Variants in GRIP1 observed in about 807,000 individuals in gnomAD.
GRIP1 encodes glutamate receptor-interacting protein 1.
Under a neutral mutation model 129.9 loss-of-function variants are expected in GRIP1, and 45 were observed. The ratio of observed to expected loss-of-function variants is 0.35; its 90% CI spans 0.27 to 0.44. The LOEUF (loss-of-function observed/expected upper bound fraction) is 0.44. GRIP1 is among the 20% of genes least tolerant of loss of function. The pLI, the probability that GRIP1 is intolerant of heterozygous loss-of-function variation, is 1.00. For missense variants in GRIP1, 1,196 were observed against 1,396.8 expected, an observed-to-expected ratio of 0.86 and a Z score of 2.29; for synonymous variants, 530 against 520.8, an observed-to-expected ratio of 1.02 and a Z score of -0.24.
intron 1 of GRIP1, among the ~76,000 whole-genome samples, chr12:66,987,507 A>G (rs969845): frequency 0.83 from 126,304 of 152,150 alleles, 52,916 homozygotes; most frequent in African/African-American, 0.93. Flanking sequence ...TGTCTGGAGA[A>G]CAAGAGTGCA....
At chr12:66,763,230 T>G (rs1165390328) in intron 1 of GRIP1, among the ~76,000 whole-genome samples, 4 of 152,204 alleles carry the variant, frequency 2.6e-5, no homozygotes. Context: ...ATTTAGATTC[T>G]GACCCTCTAA....
Position 66,650,313 on chromosome 12 carries a change from C to T in GRIP1, c.55+28537G>A, listed in dbSNP as rs75560942. 3.2e-3 allele frequency among the ~76,000 whole-genome samples: 485 copies of T among 152,286 alleles called. 2 individuals are homozygous for T. Among genetic ancestry groups the T allele is most frequent in the Non-Finnish European group, 5.3e-3 (360 of 68,026 alleles). On this transcript the variant is annotated intron_variant, in intron 1 of 24. Transcript: ENST00000359742. ...GCTGCTTGGGGGAGACAAGAAGCACCATGACAGATTTATTTCTTAATCTTG... is the reference window on the plus strand; with the variant it reads ...GCTGCTTGGGGGAGACAAGAAGCACTATGACAGATTTATTTCTTAATCTTG...
intron 7 of GRIP1, among the ~76,000 whole-genome samples, chr12:66,515,279 A>AAT (rs2060811542): frequency 6.6e-6 from 1 of 151,622 alleles, no homozygotes; most frequent in Non-Finnish European, 1.5e-5. Context: ...TAAAAAAAAA[A>AAT]AGTACCAGTC....
chr12:66,959,654 T>C (rs539410069), intron 1 of GRIP1, among the ~76,000 whole-genome samples: 1 of 152,320 alleles, frequency 6.6e-6, no homozygotes, highest in South Asian at 2.1e-4. Flanking sequence ...CAAAAATTGA[T>C]AAATAGAAAA....
rs375821783 is a variant in GRIP1 at position 66,795,487 on chromosome 12, G to A, written c.-420+8566C>T. Among the ~76,000 whole-genome samples, 102 of 152,220 alleles carry A rather than the reference G, an allele frequency of 6.7e-4. 2 individuals are homozygous for A. Among genetic ancestry groups the A allele is most frequent in the African/African-American group, 2.3e-3 (97 of 41,532 alleles). On this transcript the variant is annotated intron_variant, in intron 1 of 4. Coordinates refer to the GRIP1 transcript ENST00000538373. ...ACTACACATAAATTTTAAGTTTGTT[G>A]GCTAGACTCAATCGTGAAAAGCAGT...
In GRIP1 at chr12:66,401,609, T is replaced by TATATATATATATATATAC. The variant is rs1169241331; in HGVS notation, c.1984+4673_1984+4674insGTATATATATATATATAT. On this transcript the variant is annotated intron_variant, in intron 16 of 24. Transcript: ENST00000359742. ...AAAAAAATATGTGTGTATATATATA[T>TATATATATATATATATAC]ACACACACACACACACACACACACA... 1.2e-3 allele frequency among the ~76,000 whole-genome samples: 128 copies of TATATATATATATATATAC among 110,154 alleles called. 2 individuals carry two copies. Among genetic ancestry groups the TATATATATATATATATAC allele is most frequent in the East Asian group, 2.1e-3 (7 of 3,362 alleles). The allele number at this position is 110,154 out of a possible 152,430, so 72.3% of individuals were successfully genotyped here. A position where few individuals can be genotyped will look rare whatever the true frequency, so the allele number is the denominator to read the frequency against.
chr12:66,568,679 T>A lies in GRIP1; in HGVS notation c.137-26729A>T, dbSNP rs759797461. 12 of 228,830 alleles carry A rather than the reference T, an allele frequency of 5.2e-5. No homozygotes were observed. In the Admixed American group the frequency reaches 6.3e-4, roughly 12 times the overall value. 14.2% of individuals were successfully genotyped at this position (228,830 alleles called of 1,614,324 possible). On this transcript the variant is annotated intron_variant, in intron 2 of 24. Transcript: ENST00000359742. ...GCCATGTTGATGACATTCATCAGCA[T>A]TGTAGAATTCATCTTCACTGCTGGA...
At chr12:66,515,295 G>C (rs1399007818) in intron 7 of GRIP1, among the ~76,000 whole-genome samples, 1 of 151,976 alleles carries the variant, frequency 6.6e-6, no homozygotes, top group Non-Finnish European at 1.5e-5. Flanking sequence ...CAGTCCTTAA[G>C]TTAATAATAC....
At chr12:66,828,177 G>A (rs540470273) in intron 1 of GRIP1, among the ~76,000 whole-genome samples, 3 of 152,226 alleles carry the variant, frequency 2.0e-5, no homozygotes, top group Admixed American at 2.0e-4. Context: ...CTTTTCTACA[G>A]GCTTTAATAA....
intron 1 of GRIP1, among the ~76,000 whole-genome samples, chr12:67,045,874 T>A (rs1349017195): frequency 2.6e-5 from 4 of 152,064 alleles, no homozygotes; most frequent in Non-Finnish European, 2.9e-5. Context: ...ATGAGAGTGA[T>A]CAGACCCGCA....
At chr12:66,364,645 C>T (rs532408112) in intron 23 of GRIP1, among the ~76,000 whole-genome samples, 49 of 152,282 alleles carry the variant, frequency 3.2e-4, no homozygotes, top group Non-Finnish European at 6.0e-4. Flanking sequence ...CCTACCTATA[C>T]TCTATAATTA....
chr12:66,649,055 C>T (rs2032588599), intron 1 of GRIP1, among the ~76,000 whole-genome samples: 1 of 152,064 alleles, frequency 6.6e-6, no homozygotes, highest in Admixed American at 6.6e-5. Flanking sequence ...AGAAAGTGAA[C>T]ATTCTTGTAG....
intron 1 of GRIP1, among the ~76,000 whole-genome samples, chr12:67,038,268 T>G (rs1319228826): frequency 6.6e-6 from 1 of 152,232 alleles, no homozygotes; most frequent in Admixed American, 6.6e-5. Flanking sequence ...AGGATCCTGA[T>G]GGTTTTCTAG....
At chr12:66,798,261 C>G (rs992561217) in intron 1 of GRIP1, among the ~76,000 whole-genome samples, 3 of 152,036 alleles carry the variant, frequency 2.0e-5, no homozygotes, top group Admixed American at 6.6e-5. Context: ...ATAGTTAAAA[C>G]AGAAATAGCA....
intron 1 of GRIP1, among the ~76,000 whole-genome samples, chr12:66,871,747 T>A (rs1377751155): frequency 6.6e-6 from 1 of 152,056 alleles, no homozygotes; most frequent in East Asian, 1.9e-4. Flanking sequence ...GATAATATTT[T>A]CCCCAATCTC....
intron 1 of GRIP1, among the ~76,000 whole-genome samples, chr12:66,986,375 A>G (rs2042311101): frequency 1.3e-5 from 2 of 151,998 alleles, no homozygotes; most frequent in South Asian, 4.2e-4. Flanking sequence ...AGACACATGC[A>G]CACGTATGTT....
intron 23 of GRIP1, among the ~76,000 whole-genome samples, chr12:66,355,575 C>G (rs2054449495): frequency 6.6e-6 from 1 of 152,116 alleles, no homozygotes; most frequent in Non-Finnish European, 1.5e-5. Context: ...CACCCACCGC[C>G]CATCTAACAT....
chr12:66,972,220 G>A (rs1380592397), intron 1 of GRIP1, among the ~76,000 whole-genome samples: 1 of 152,180 alleles, frequency 6.6e-6, no homozygotes, highest in East Asian at 1.9e-4. Flanking sequence ...GTTCTGGGTA[G>A]GAAACTCTTC....
chr12:67,007,127 G>A (rs2042638126), intron 1 of GRIP1, among the ~76,000 whole-genome samples: 1 of 152,192 alleles, frequency 6.6e-6, no homozygotes, highest in African/African-American at 2.4e-5. Flanking sequence ...TTTCACTAGA[G>A]AGGAGAGCAC....
Sources: allele counts gnomAD v4.1 joint callset (sites outside exome capture counted in the v4.1 genomes callset), GRCh38; gene constraint gnomAD v4.1.1; transcripts MANE v1.5; gene names NCBI Gene and HGNC (gene_info 2026-07-23, HGNC 2026-07-21).